The following TMEM184C variants were observed in gnomAD, a reference collection of about 807,000 sequenced individuals.
TMEM184C encodes transmembrane protein 34.
TMEM184C carries 25 observed loss-of-function variants against 54.5 expected under a neutral mutation model. The observed-to-expected ratio is 0.46, with a 90% CI of 0.33 to 0.64. The LOEUF (loss-of-function observed/expected upper bound fraction) is 0.64. Ranked by LOEUF, TMEM184C falls within the 30% of genes least tolerant of loss-of-function variation. The pLI is 0.02. For synonymous variants in TMEM184C, 148 were observed against 181.5 expected (o/e 0.82, Z 1.49); for missense variants, 335 against 520.3 (o/e 0.64, Z 3.46).
At chr4:147,629,434 A>G (rs1471964077) in intron 5 of TMEM184C, among the ~76,000 whole-genome samples, 165 bp from the exon 6 acceptor site, 1 of 152,070 alleles carries the variant, frequency 6.6e-6, no homozygotes, top group Non-Finnish European at 1.5e-5. Flanking sequence ...GTGATTGTCA[A>G]TGGATCTCTC....
intron 7 of TMEM184C, 66 bp downstream of exon 7, chr4:147,631,571 G>T: frequency 8.2e-7 from 1 of 1,212,320 alleles, no homozygotes; most frequent in Non-Finnish European, 1.2e-6. Context: ...TGATTAAGGA[G>T]GATTTTTAAA....
In TMEM184C at chr4:147,628,405, T is replaced by C. The variant is rs757807863; in HGVS notation, c.542T>C (p.Val181Ala). 23 of 1,613,800 alleles carry C rather than the reference T, an allele frequency of 1.4e-5. No individual in the cohort carries two copies. The highest frequency in any genetic ancestry group is 1.7e-5 in the Non-Finnish European group (20 of 1,179,946). Residue 181 changes from valine (V) to alanine (A), a missense_variant, in exon 5 of 10, where the codon GTT (valine) becomes GCT (alanine). Val to Ala is a moderately conservative substitution (Grantham distance 64, BLOSUM62 0). Coordinates refer to ENST00000296582, the MANE Select transcript of TMEM184C (RefSeq NM_018241.3). ...AAACTAGGTGTATTACAGTACACAG[T>C]TGTCAGACCTTTCACCACCATCGTT... ...RCKLGVLQYTVVRPFTTIVAL... is the reference protein window; with the variant it reads ...RCKLGVLQYTAVRPFTTIVAL...
chr4:147,620,822 T>G (rs573069369), intron 1 of TMEM184C, among the ~76,000 whole-genome samples: 2 of 152,242 alleles, frequency 1.3e-5, no homozygotes, highest in Non-Finnish European at 2.9e-5. Flanking sequence ...AGTTCTGTTA[T>G]GGACATTTAG....
chr4:147,618,769 A>G (rs1732648534), intron 1 of TMEM184C, among the ~76,000 whole-genome samples: 1 of 152,228 alleles, frequency 6.6e-6, no homozygotes, highest in Non-Finnish European at 1.5e-5. Context: ...TATTGTGGAA[A>G]TGATTTTTAC....
chr4:147,623,757 C>A, intron 1 of TMEM184C, 77 bp from the exon 2 acceptor site: 1 of 1,434,078 alleles, frequency 7.0e-7, no homozygotes, highest in East Asian at 2.3e-5. Flanking sequence ...GGATTATAGG[C>A]ACAAGGCACT....
At chr4:147,627,360 A>T (rs1428180492) in intron 4 of TMEM184C, among the ~76,000 whole-genome samples, 2 of 151,950 alleles carry the variant, frequency 1.3e-5, no homozygotes, top group Admixed American at 6.6e-5. Flanking sequence ...GCGTGATCTC[A>T]GCTCATTGCA....
Position 147,634,516 on chromosome 4 carries a change from A to T in TMEM184C, c.*82A>T. 6.8e-7 allele frequency: 1 copy of T among 1,460,396 alleles called. No individual in the cohort carries two copies. 90.5% of individuals were successfully genotyped at this position (1,460,396 alleles called of 1,614,324 possible). On this transcript the variant is annotated 3_prime_UTR_variant, in exon 10 of 10. Coordinates refer to ENST00000296582, the MANE Select transcript of TMEM184C (RefSeq NM_018241.3). ...ATGGATTTTGTGCTTGGGACAGACC[A>T]TAAATGATGGAAAATGTCAACACAA... is the stretch of plus-strand genomic sequence containing the variant.
Position 147,629,635 on chromosome 4 carries a change from C to G in TMEM184C, c.609C>G (p.Asn203Lys). 1 of 1,595,266 alleles carries G rather than the reference C, an allele frequency of 6.3e-7. No individual in the cohort carries two copies. Among genetic ancestry groups the G allele is most frequent in the Non-Finnish European group, 8.5e-7 (1 of 1,172,426 alleles). Residue 203 changes from asparagine (N) to lysine (K), a missense_variant, in exon 6 of 10, where the codon AAC becomes AAG. Coordinates refer to ENST00000296582, the MANE Select transcript of TMEM184C (RefSeq NM_018241.3). ...CELLGIYDEG[N>K]FSFSNAWTYL... ...TGCTTGGTATATATGACGAAGGGAA[C>G]TTTAGCTTTTCAAATGCTTGGACTT... is the stretch of plus-strand genomic sequence containing the variant.
rs781734243 is a variant in TMEM184C at position 147,628,427 on chromosome 4, C to T, written c.564C>T (p.Ile188=). The T allele has an allele frequency of 1.9e-6, 3 of 1,613,626 alleles. No homozygotes were observed. The highest frequency in any genetic ancestry group is 2.2e-5 in the East Asian group (1 of 44,862). ...QYTVVRPFTT[I]VALICELLGI... ...CAGTTGTCAGACCTTTCACCACCAT[C>T]GTTGCTTTGTAAGTACTCGGATTTT... The change falls in exon 5 of 10, where the codon ATC becomes ATT. Residue 188 remains isoleucine (I), a synonymous_variant. Coordinates refer to ENST00000296582, the MANE Select transcript of TMEM184C (RefSeq NM_018241.3).
At chr4:147,625,110 A>G in intron 4 of TMEM184C, 101 bp downstream of exon 4, 1 of 1,113,064 alleles carries the variant, frequency 9.0e-7, no homozygotes, top group Admixed American at 2.1e-5. Flanking sequence ...TTAAGTATTA[A>G]TAGCAGAACA....
chr4:147,622,605 G>T (rs1046060367), intron 1 of TMEM184C, among the ~76,000 whole-genome samples: 4 of 152,072 alleles, frequency 2.6e-5, no homozygotes, highest in African/African-American at 9.7e-5. Context: ...TATAAGTGGG[G>T]ACTACTGTAC....
At chr4:147,629,793 T>A in intron 6 of TMEM184C, 101 bp downstream of exon 6, 1 of 640,896 alleles carries the variant, frequency 1.6e-6, no homozygotes, top group Non-Finnish European at 2.4e-6. Flanking sequence ...TGCTTCTTTT[T>A]AATCTTCCTA....
intron 1 of TMEM184C, 59 bp from the exon 2 acceptor site, chr4:147,623,775 G>A (rs1732759948): frequency 1.3e-6 from 2 of 1,563,424 alleles, no homozygotes; most frequent in African/African-American, 2.7e-5. Flanking sequence ...ACTGAGCCTG[G>A]CCAAGCTCTT....
rs1423709052 is a variant in TMEM184C at position 147,634,461 on chromosome 4, C to T, written c.*27C>T. The T allele has an allele frequency of 6.2e-7, 1 of 1,605,688 alleles. No homozygotes were observed. Among genetic ancestry groups the T allele is most frequent in the Non-Finnish European group, 8.5e-7 (1 of 1,175,476 alleles). On this transcript the variant is annotated 3_prime_UTR_variant, in exon 10 of 10. Transcript: ENST00000296582. ...CAGTATGGAAAAGCAAACTGTGCAA[C>T]TACTACATTATATCATTACCTGGTA...
At chr4:147,620,346 T>A (rs1732686873) in intron 1 of TMEM184C, among the ~76,000 whole-genome samples, 1 of 152,188 alleles carries the variant, frequency 6.6e-6, no homozygotes, top group East Asian at 1.9e-4. Flanking sequence ...GAGAGAACAT[T>A]ACCTCCATAG....
intron 1 of TMEM184C, among the ~76,000 whole-genome samples, 168 bp from the exon 2 acceptor site, chr4:147,623,666 G>A (rs1417828844): frequency 4.2e-5 from 6 of 141,962 alleles, no homozygotes; most frequent in East Asian, 4.1e-4. Flanking sequence ...TTGTAGTGAC[G>A]GGTTCTCACT....
At position 147,634,556 on chromosome 4, in the gene TMEM184C, C is replaced by A; in HGVS notation, c.*122C>A. ...TGTCAACACAAAAATAGCTGAAAGC[C>A]AGGTACAACTACTGCATTTATATAT... On this transcript the variant is annotated 3_prime_UTR_variant, in exon 10 of 10. Transcript: ENST00000296582. The A allele has an allele frequency of 9.0e-7, 1 of 1,107,316 alleles. No individual in the cohort carries two copies. The highest frequency in any genetic ancestry group is 1.3e-6 in the Non-Finnish European group (1 of 780,592). The allele number at this position is 1,107,316 out of a possible 1,614,324, so 68.6% of individuals were successfully genotyped here.
rs1315731803 is a variant in TMEM184C, at chr4:147,636,479, A to T, written c.*2045A>T. 1 of 152,146 alleles carries T rather than the reference A, an allele frequency of 6.6e-6. No homozygotes were observed. Among genetic ancestry groups the T allele is most frequent in the African/African-American group, 2.4e-5 (1 of 41,450 alleles). The allele number at this position is 152,146 out of a possible 1,614,324, so 9.4% of individuals were successfully genotyped here. On this transcript the variant is annotated 3_prime_UTR_variant, in exon 10 of 10. Transcript: ENST00000296582. ...TTATCTTAGACCTACACAACAATCA[A>T]TTCAAAATGGATAAAAGACCTAAAT...
At chr4:147,625,256 A>G (rs1408429954) in intron 4 of TMEM184C, among the ~76,000 whole-genome samples, 4 of 152,250 alleles carry the variant, frequency 2.6e-5, no homozygotes, top group Non-Finnish European at 5.9e-5. Context: ...GCAGGTAAAA[A>G]CAGTAATCAT....
Sources: allele counts gnomAD v4.1 joint callset (sites outside exome capture counted in the v4.1 genomes callset), GRCh38; gene constraint gnomAD v4.1.1; transcripts MANE v1.5; gene names NCBI Gene and HGNC (gene_info 2026-07-23, HGNC 2026-07-21).